The following KIF13A variants were observed in gnomAD, a reference collection of about 807,000 sequenced individuals.
The protein encoded by KIF13A is kinesin family member 13A.
A neutral mutation model predicts 212.2 loss-of-function variants in KIF13A; 79 were observed. The observed-to-expected ratio is 0.37, with a 90% CI of 0.31 to 0.45. KIF13A has a LOEUF of 0.45. KIF13A is among the 20% of genes least tolerant of loss of function. KIF13A has a pLI of 1.00. For missense variants in KIF13A, 1,901 were observed against 2,209.0 expected (o/e 0.86, Z 2.79); for synonymous variants, 789 against 808.6 (o/e 0.98, Z 0.41).
chr6:17,808,712 A>G (rs1329450057), intron 18 of KIF13A, 56 bp downstream of exon 18: 1 of 1,511,916 alleles, frequency 6.6e-7, no homozygotes, highest in Non-Finnish European at 9.0e-7. Context: ...TTTAGATCCT[A>G]TTTTACAATA....
intron 9 of KIF13A, among the ~76,000 whole-genome samples, chr6:17,848,736 T>C (rs963507808): frequency 1.3e-5 from 2 of 151,650 alleles, no homozygotes; most frequent in Non-Finnish European, 2.9e-5. Flanking sequence ...CAGCTAATTT[T>C]TGTGTTTTAG....
chr6:17,908,482 T>C (rs1297027119), intron 2 of KIF13A, among the ~76,000 whole-genome samples: 3 of 152,064 alleles, frequency 2.0e-5, no homozygotes, highest in South Asian at 2.1e-4. Context: ...TGCGTGCCTA[T>C]AGTCCCAGCT....
intron 9 of KIF13A, among the ~76,000 whole-genome samples, chr6:17,841,382 C>G (rs1766493918): frequency 6.6e-6 from 1 of 152,160 alleles, no homozygotes; most frequent in Admixed American, 6.5e-5. Context: ...CAAGTTATAC[C>G]TACCACTTTG....
chr6:17,950,346 A>C (rs758209802), intron 2 of KIF13A: 1 of 920,204 alleles, frequency 1.1e-6, no homozygotes, highest in Non-Finnish European at 1.3e-6. Flanking sequence ...ATCTAAGCAC[A>C]AACCTTATAT....
Position 17,874,056 on chromosome 6 carries a change from C to G in KIF13A, c.160-619G>C, listed in dbSNP as rs370680300. ...AAAACACAAAAAACAAAAACAATATCTTCTCTCGCAAGTCCATGGTTTCAG... is the reference window on the plus strand; with the variant it reads ...AAAACACAAAAAACAAAAACAATATGTTCTCTCGCAAGTCCATGGTTTCAG... On this transcript the variant is annotated intron_variant, in intron 3 of 38. Coordinates refer to ENST00000259711, the MANE Select transcript of KIF13A (RefSeq NM_022113.6). Among the ~76,000 whole-genome samples, 20 of 152,238 alleles carry G rather than the reference C, an allele frequency of 1.3e-4. No individual in the cohort carries two copies. The East Asian group carries it at 3.1e-3, about 23-fold the overall frequency.
chr6:17,773,685 G>A lies in KIF13A; in HGVS notation c.4219-102C>T, dbSNP rs929043950. The A allele has an allele frequency of 4.5e-5, 25 of 550,436 alleles. No individual in the cohort carries two copies. In the East Asian group the frequency reaches 6.8e-4, roughly 15 times the overall value. 34.1% of individuals were successfully genotyped at this position (550,436 alleles called of 1,614,324 possible). A position where few individuals can be genotyped will look rare whatever the true frequency, so the allele number is the denominator to read the frequency against. On this transcript the variant is annotated intron_variant, in intron 35 of 38. Transcript: ENST00000259711. The surrounding 1 kb of genome is among the most constrained non-coding windows in gnomAD (Gnocchi z 4.2). Reference sequence around the variant, plus strand: ...CTGTTTTTTTTTAATGGCAGCATATGCTCTTCTTTATTTTTATTATGATTT... The same window carrying A: ...CTGTTTTTTTTTAATGGCAGCATATACTCTTCTTTATTTTTATTATGATTT...
At chr6:17,913,290 T>C (rs2150507884) in intron 2 of KIF13A, among the ~76,000 whole-genome samples, 1 of 152,238 alleles carries the variant, frequency 6.6e-6, no homozygotes, top group Admixed American at 6.5e-5. Flanking sequence ...TTTGGGAAAC[T>C]CACAGAATTT....
Position 17,799,557 on chromosome 6 carries a change from A to T in KIF13A, c.2617-118T>A. 1 of 800,790 alleles carries T rather than the reference A, an allele frequency of 1.2e-6. No homozygotes were observed. Among genetic ancestry groups the T allele is most frequent in the Non-Finnish European group, 1.9e-6 (1 of 519,980 alleles). 49.6% of individuals were successfully genotyped at this position (800,790 alleles called of 1,614,324 possible). ...AATTGGTCATCCATTTGACATGTGA[A>T]AATATTATATCTGACACCGTGACAC... On this transcript the variant is annotated intron_variant, in intron 21 of 38. Transcript: ENST00000259711. The surrounding 1 kb of genome is among the most constrained non-coding windows in gnomAD (Gnocchi z 4.4).
Position 17,926,476 on chromosome 6 carries a change from C to A in KIF13A, c.147-28296G>T, listed in dbSNP as rs976385664. On this transcript the variant is annotated intron_variant, in intron 2 of 38. Transcript: ENST00000259711. The surrounding 1 kb of genome is among the most constrained non-coding windows in gnomAD (Gnocchi z 4.3). ...TTGAACTCCAGCCTCAAGTGATCTG[C>A]CTGCCTCGGCCTCCCAAAGTGCTGG... Among the ~76,000 whole-genome samples the A allele has an allele frequency of 3.3e-5, 5 of 152,166 alleles. No individual in the cohort carries two copies. The highest frequency in any genetic ancestry group is 1.2e-4 in the African/African-American group (5 of 41,454).
chr6:17,930,378 TAAC>T (rs759627800), intron 2 of KIF13A, among the ~76,000 whole-genome samples: 25 of 152,094 alleles, frequency 1.6e-4, no homozygotes, highest in African/African-American at 4.3e-4. Context: ...GAACAAGAAG[TAAC>T]AAATTCCTCA....
At chr6:17,927,017 G>A (rs370774673) in intron 2 of KIF13A, among the ~76,000 whole-genome samples, 1 of 152,020 alleles carries the variant, frequency 6.6e-6, no homozygotes, top group Admixed American at 6.5e-5. Flanking sequence ...GCATGTGACT[G>A]CAGTCCCCGC....
At chr6:17,831,886 G>A (rs888884216) in intron 12 of KIF13A, among the ~76,000 whole-genome samples, 1 of 151,588 alleles carries the variant, frequency 6.6e-6, no homozygotes, top group South Asian at 2.1e-4. Context: ...TATTGATCTC[G>A]GGCTGGGAAT....
chr6:17,856,060 T>C lies in KIF13A; in HGVS notation c.283A>G (p.Asn95Asp). 1 of 1,613,600 alleles carries C rather than the reference T, an allele frequency of 6.2e-7. No homozygotes were observed. The highest frequency in any genetic ancestry group is 8.5e-7 in the Non-Finnish European group (1 of 1,179,628). The change falls in exon 5 of 39, where the codon AAT becomes GAT. Residue 95 changes from asparagine (N) to aspartate (D), a missense_variant. By Grantham distance (23) the Asn-to-Asp change is conservative. This residue lies in a region of KIF13A where 506 missense variants were observed against 637.4 expected (regional missense o/e 0.79). Coordinates refer to ENST00000259711, the MANE Select transcript of KIF13A (RefSeq NM_022113.6). The surrounding 1 kb of genome is among the most constrained non-coding windows in gnomAD (Gnocchi z 4.5). ...TGTCCATATGCAAAAATACACGCAT[T>C]ATACCCCTGAAAGGCTTTTTCAAGA... ...GILEKAFQGY[N>D]ACIFAYGQTG...
chr6:17,831,365 C>T, intron 12 of KIF13A, 130 bp from the exon 13 acceptor site: 1 of 1,010,880 alleles, frequency 9.9e-7, no homozygotes. Flanking sequence ...CTCTGCTCAA[C>T]CACATTAACA....
At chr6:17,788,874 G>A (rs186579671) in intron 26 of KIF13A, among the ~76,000 whole-genome samples, 210 of 152,230 alleles carry the variant, frequency 1.4e-3, no homozygotes, top group Admixed American at 3.8e-3. Context: ...ATAGGCGCGC[G>A]CCACCACGCC....
chr6:17,976,335 G>T (rs1307416993), intron 2 of KIF13A, among the ~76,000 whole-genome samples: 2 of 152,252 alleles, frequency 1.3e-5, no homozygotes, highest in African/African-American at 4.8e-5. Flanking sequence ...CTGCCCCGCT[G>T]TAAGGCAGCT....
intron 2 of KIF13A, among the ~76,000 whole-genome samples, chr6:17,975,831 C>T (rs1022106204): frequency 6.6e-6 from 1 of 152,166 alleles, no homozygotes; most frequent in African/African-American, 2.4e-5. Flanking sequence ...CATTCACGAA[C>T]CCTGAGCTAG....
Position 17,773,791 on chromosome 6 carries a change from T to A in KIF13A, c.4219-208A>T, listed in dbSNP as rs1561954008. Among the ~76,000 whole-genome samples the A allele has an allele frequency of 2.6e-5, 4 of 152,216 alleles. No homozygotes were observed. The South Asian group carries it at 8.3e-4, about 32-fold the overall frequency. On this transcript the variant is annotated intron_variant, in intron 35 of 38. Transcript: ENST00000259711. This position sits in a 1 kb window ranked among gnomAD's most constrained non-coding sequence, Gnocchi z 4.2. ...TATACCCGGAGTGAATACATGTTAA[T>A]ATTTTATTATATTTGCTCAAGTTTA...
At chr6:17,801,064 A>G (rs376479268) in intron 20 of KIF13A, among the ~76,000 whole-genome samples, 7 of 151,990 alleles carry the variant, frequency 4.6e-5, no homozygotes, top group African/African-American at 1.5e-4. Context: ...TCACTCACCT[A>G]TTCATGTGAG....
Sources: gnomAD v4.1 joint callset for allele counts (sites outside exome capture counted in the v4.1 genomes callset) on GRCh38, gnomAD v4.1.1 for gene constraint, gnomAD v4.1.1 regional missense constraint, Gnocchi (gnomAD v3.1) non-coding constraint, MANE v1.5 for transcripts, NCBI Gene and HGNC (gene_info 2026-07-23, HGNC 2026-07-21) for gene names.